Variants in S100B observed in about 807,000 individuals in gnomAD.
The protein encoded by S100B is S100 calcium binding protein B.
S100B carries 6 observed loss-of-function variants against 7.7 expected under a neutral mutation model. That is an observed-to-expected ratio of 0.78 (90% CI 0.43 to 1.54). The LOEUF (loss-of-function observed/expected upper bound fraction) is 1.54. Among genes scored for constraint, S100B ranks in the 40% most tolerant of loss-of-function variants. S100B has a pLI of 0.01. For missense variants in S100B, 99 were observed against 111.8 expected (o/e 0.89, Z 0.52); for synonymous variants, 36 against 40.4 (o/e 0.89, Z 0.41).
chr21:46,599,311 C>T lies in S100B; in HGVS notation c.*52G>A. ...CTAGGCTGCAAGCCCTTGCTGTCTG[C>T]TTTCTTGCATGACCGTCTCTGTTAC... On this transcript the variant is annotated 3_prime_UTR_variant, in exon 3 of 3. Coordinates refer to ENST00000291700, the MANE Select transcript of S100B (RefSeq NM_006272.3). 1 of 1,573,244 alleles carries T rather than the reference C, an allele frequency of 6.4e-7. No individual in the cohort carries two copies. The highest frequency in any genetic ancestry group is 8.7e-7 in the Non-Finnish European group (1 of 1,149,514).
intron 2 of S100B, 117 bp from the exon 3 acceptor site, chr21:46,599,620 C>T: frequency 2.2e-6 from 2 of 916,656 alleles, no homozygotes; most frequent in South Asian, 1.4e-5. Context: ...CTAAGAACAT[C>T]AAATGCAAAA....
At chr21:46,603,868 A>G (rs2061050137) in intron 1 of S100B, among the ~76,000 whole-genome samples, 2 of 152,248 alleles carry the variant, frequency 1.3e-5, no homozygotes, top group African/African-American at 2.4e-5. Flanking sequence ...TAATTCACAA[A>G]TAGAACAATT....
chr21:46,600,188 G>C, intron 2 of S100B: 1 of 287,436 alleles, frequency 3.5e-6, no homozygotes, highest in Non-Finnish European at 6.9e-6. Context: ...ACAATTCTCC[G>C]GGATAGGAAG....
At chr21:46,599,860 G>T (rs184848389) in intron 2 of S100B, among the ~76,000 whole-genome samples, 1 of 152,052 alleles carries the variant, frequency 6.6e-6, no homozygotes. Context: ...TAAACTTTTC[G>T]TGTGTTCTGT....
intron 2 of S100B, chr21:46,600,198 G>C (rs2061037627): frequency 3.4e-6 from 1 of 296,522 alleles, no homozygotes; most frequent in Non-Finnish European, 6.7e-6. Context: ...GGGATAGGAA[G>C]GCTTGGCCTG....
In S100B at chr21:46,599,604, A is replaced by G; in HGVS notation, c.139-101T>C. ...AGTGACTCTGATAATTTGTGTCCGA[A>G]ATAACCTAAGAACATCAAATGCAAA... On this transcript the variant is annotated intron_variant, in intron 2 of 2. Coordinates refer to ENST00000291700, the MANE Select transcript of S100B (RefSeq NM_006272.3). 1.9e-6 allele frequency: 2 copies of G among 1,055,660 alleles called. 1 individual carries two copies. Among genetic ancestry groups the G allele is most frequent in the Middle Eastern group, 5.3e-4 (2 of 3,794 alleles). The allele number at this position is 1,055,660 out of a possible 1,614,324, so 65.4% of individuals were successfully genotyped here.
chr21:46,602,993 T>G (rs983283817), intron 1 of S100B: 2 of 152,174 alleles, frequency 1.3e-5, no homozygotes, highest in Admixed American at 1.3e-4. Flanking sequence ...TAACATGTGA[T>G]CTAAGACTAA....
At chr21:46,603,115 G>T (rs1002417177) in intron 1 of S100B, among the ~76,000 whole-genome samples, 15 of 151,602 alleles carry the variant, frequency 9.9e-5, no homozygotes, top group Non-Finnish European at 2.1e-4. Flanking sequence ...TAAAAACAAT[G>T]GAATTTTTTT....
At chr21:46,603,392 A>AGGGGGGGGGGCGGG (rs1555923741) in intron 1 of S100B, among the ~76,000 whole-genome samples, 3 of 38,206 alleles carry the variant, frequency 7.9e-5, no homozygotes, top group African/African-American at 3.1e-4. Context: ...GGACGGCGGG[A>AGGGGGGGGGGCGGG]GGGGGTGGGG....
intron 2 of S100B, chr21:46,600,384 A>C (rs1182680832): frequency 6.8e-6 from 3 of 443,200 alleles, no homozygotes; most frequent in South Asian, 4.8e-5. Context: ...CTCTACAAAG[A>C]AAAAATAAAA....
chr21:46,602,201 T>C, intron 2 of S100B, 77 bp downstream of exon 2: 1 of 1,332,606 alleles, frequency 7.5e-7, no homozygotes, highest in Non-Finnish European at 1.0e-6. Context: ...TCAGGGCAGC[T>C]GAGAAGATAA....
rs374335265 is a variant in S100B at position 46,598,751 on chromosome 21, C to G, written c.*612G>C. 2.0e-4 allele frequency among the ~76,000 whole-genome samples: 30 copies of G among 152,346 alleles called. No homozygotes were observed. The highest frequency in any genetic ancestry group is 7.0e-4 in the African/African-American group (29 of 41,592). On this transcript the variant is annotated 3_prime_UTR_variant, in exon 3 of 3. Coordinates refer to ENST00000291700, the MANE Select transcript of S100B (RefSeq NM_006272.3). ...TGAATCGCATGGGTCACGGAGGCCA[C>G]GCTGGAGCCCCCAGAGCTGGCTCGG... is the stretch of plus-strand genomic sequence containing the variant.
At position 46,598,854 on chromosome 21, in the gene S100B, C is replaced by T. The variant is rs1601892505; in HGVS notation, c.*509G>A. ...GTTCACCTGGTGATCAGGCGCATCC[C>T]GGGAAGCAGGCCGAAGCCACCACGC... is the stretch of plus-strand genomic sequence containing the variant. On this transcript the variant is annotated 3_prime_UTR_variant, in exon 3 of 3. Transcript: ENST00000291700. 6.5e-6 allele frequency: 1 copy of T among 153,656 alleles called. No homozygotes were observed. Among genetic ancestry groups the T allele is most frequent in the Non-Finnish European group, 1.4e-5 (1 of 69,182 alleles). 9.5% of individuals were successfully genotyped at this position (153,656 alleles called of 1,614,324 possible).
intron 2 of S100B, among the ~76,000 whole-genome samples, chr21:46,600,997 C>G (rs150623043): frequency 1.3e-5 from 2 of 152,252 alleles, no homozygotes; most frequent in African/African-American, 4.8e-5. Flanking sequence ...CTGAGAAAAC[C>G]AGTCCTGGAA....
At chr21:46,603,395 G>GGGGGGCGGGGGGGGT (rs1569137668) in intron 1 of S100B, among the ~76,000 whole-genome samples, 2 of 140,150 alleles carry the variant, frequency 1.4e-5, no homozygotes, top group African/African-American at 5.3e-5. Context: ...CGGCGGGAGG[G>GGGGGGCGGGGGGGGT]GGTGGGGGCA....
chr21:46,603,000 C>T (rs2061045919), intron 1 of S100B: 1 of 152,076 alleles, frequency 6.6e-6, no homozygotes, highest in African/African-American at 2.4e-5. Flanking sequence ...TGATCTAAGA[C>T]TAAGTTTAGG....
chr21:46,599,872 T>C (rs1325813310), intron 2 of S100B, among the ~76,000 whole-genome samples: 3 of 152,226 alleles, frequency 2.0e-5, no homozygotes, highest in Non-Finnish European at 2.9e-5. Context: ...GTGTTCTGTG[T>C]GTGGAAGTCC....
chr21:46,599,493 T>A lies in S100B; in HGVS notation c.149A>T (p.Glu50Val). 1 of 1,614,160 alleles carries A rather than the reference T, an allele frequency of 6.2e-7. No individual in the cohort carries two copies. Among genetic ancestry groups the A allele is most frequent in the Non-Finnish European group, 8.5e-7 (1 of 1,179,968 alleles). ...CATGACTTTGTCCACAACCTCCTGCTCTTTGATTTCCTAAGAGAGATAAAA... is the reference window on the plus strand; with the variant it reads ...CATGACTTTGTCCACAACCTCCTGCACTTTGATTTCCTAAGAGAGATAAAA... ...ELSHFLEEIKEQEVVDKVMET... is the reference protein window; with the variant it reads ...ELSHFLEEIKVQEVVDKVMET... The change falls in exon 3 of 3, where the codon GAG becomes GTG. Residue 50 changes from glutamate (E) to valine (V), a missense_variant. Coordinates refer to ENST00000291700, the MANE Select transcript of S100B (RefSeq NM_006272.3).
rs2148943411 is a variant in S100B at position 46,599,174 on chromosome 21, G to A, written c.*189C>T. ...ACACACAGGCCTAATATAGCAGAAA[G>A]AATGATGCAGGCCGTTAAAACAGCC... On this transcript the variant is annotated 3_prime_UTR_variant, in exon 3 of 3. Transcript: ENST00000291700. The A allele has an allele frequency of 1.6e-6, 1 of 609,604 alleles. No homozygotes were observed. Among genetic ancestry groups the A allele is most frequent in the Non-Finnish European group, 2.9e-6 (1 of 347,602 alleles). The allele number at this position is 609,604 out of a possible 1,614,324, so 37.8% of individuals were successfully genotyped here.
Sources: allele counts gnomAD v4.1 joint callset (sites outside exome capture counted in the v4.1 genomes callset), GRCh38; gene constraint gnomAD v4.1.1; transcripts MANE v1.5; gene names NCBI Gene and HGNC (gene_info 2026-07-23, HGNC 2026-07-21).